TENM2: variants seen among roughly 807,000 people sequenced by gnomAD.
The protein encoded by TENM2 is teneurin transmembrane protein 2, also known as teneurin-2.
In TENM2, 52 loss-of-function variants were observed where a neutral mutation model predicts 245.2. That is an observed-to-expected ratio of 0.21 (90% CI 0.17 to 0.27). The LOEUF (loss-of-function observed/expected upper bound fraction) is 0.27. Among genes scored for constraint, TENM2 ranks in the 10% least tolerant of loss-of-function variants. The pLI is 1.00. For missense variants in TENM2, 3,046 were observed against 3,666.8 expected (o/e 0.83, Z 4.37); for synonymous variants, 1,363 against 1,438.9 (o/e 0.95, Z 1.19).
intron 3 of TENM2, among the ~76,000 whole-genome samples, chr5:167,914,580 A>G (rs1776784929): frequency 6.6e-6 from 1 of 151,114 alleles, no homozygotes; most frequent in Non-Finnish European, 1.5e-5. Flanking sequence ...GGCCATCTCT[A>G]TTCATTTCTC....
intron 1 of TENM2, among the ~76,000 whole-genome samples, chr5:167,290,659 C>G (rs1754580130): frequency 6.6e-6 from 1 of 151,946 alleles, no homozygotes; most frequent in Non-Finnish European, 1.5e-5. Context: ...ATGAACATAA[C>G]TCATACATTA....
At chr5:167,091,327 G>A in the TENM2 span, among the ~76,000 whole-genome samples, 5 of 152,058 alleles carry the variant, frequency 3.3e-5, no homozygotes, top group African/African-American at 1.2e-4. Flanking sequence ...AAAATACAAT[G>A]GATACTAAAG....
the TENM2 span, among the ~76,000 whole-genome samples, chr5:167,045,383 T>C: frequency 1.3e-5 from 2 of 152,184 alleles, no homozygotes; most frequent in East Asian, 1.9e-4. Context: ...TAGTACCTAG[T>C]ACATTCTAAG....
At chr5:167,593,168 G>A (rs368565530) in intron 2 of TENM2, among the ~76,000 whole-genome samples, 2 of 152,278 alleles carry the variant, frequency 1.3e-5, no homozygotes, top group African/African-American at 4.8e-5. Context: ...GATAGATACA[G>A]CTCACTTTCT....
intron 2 of TENM2, among the ~76,000 whole-genome samples, chr5:167,492,443 A>C (rs1768491531): frequency 6.6e-6 from 1 of 152,154 alleles, no homozygotes; most frequent in African/African-American, 2.4e-5. Flanking sequence ...GGCTGAGTAC[A>C]GACTTTCCAC....
At chr5:167,859,128 T>C (rs1212594594) in intron 2 of TENM2, among the ~76,000 whole-genome samples, 1 of 114,428 alleles carries the variant, frequency 8.7e-6, no homozygotes, top group African/African-American at 3.4e-5. Flanking sequence ...CGCCGCCCCA[T>C]CTGGGATGTG....
At chr5:167,233,449 A>G in the TENM2 span, among the ~76,000 whole-genome samples, 4 of 151,910 alleles carry the variant, frequency 2.6e-5, no homozygotes, top group Non-Finnish European at 5.9e-5. Flanking sequence ...AAGCTCCTAC[A>G]TATCTATAAA....
the TENM2 span, among the ~76,000 whole-genome samples, chr5:167,030,775 T>C: frequency 2.0e-5 from 3 of 152,154 alleles, no homozygotes; most frequent in Admixed American, 6.5e-5. Context: ...GGAGCTTCTT[T>C]GTAGGAAGAC....
intron 2 of TENM2, among the ~76,000 whole-genome samples, chr5:167,420,197 T>G (rs1581991347): frequency 6.6e-6 from 1 of 152,320 alleles, no homozygotes; most frequent in East Asian, 1.9e-4. Flanking sequence ...GAGCTTATTG[T>G]TACCCTGTGT....
chr5:168,086,674 T>C (rs1341848114), intron 7 of TENM2, among the ~76,000 whole-genome samples: 1 of 152,172 alleles, frequency 6.6e-6, no homozygotes, highest in East Asian at 1.9e-4. Flanking sequence ...GCAGACCTAA[T>C]GGGTAGGACC....
chr5:167,793,245 T>G (rs1765101413), intron 2 of TENM2, among the ~76,000 whole-genome samples: 1 of 152,178 alleles, frequency 6.6e-6, no homozygotes, highest in Admixed American at 6.5e-5. Flanking sequence ...CTGTATGATC[T>G]TGAGCAAATG....
the TENM2 span, among the ~76,000 whole-genome samples, chr5:167,184,029 G>T: frequency 1.3e-5 from 2 of 152,150 alleles, no homozygotes; most frequent in East Asian, 3.9e-4. Context: ...GAAAACATAC[G>T]TTATTTTTAG....
the TENM2 span, among the ~76,000 whole-genome samples, chr5:167,000,608 A>G: frequency 1.3e-5 from 2 of 152,184 alleles, no homozygotes; most frequent in Non-Finnish European, 2.9e-5. Context: ...AGTGTATCAT[A>G]TATTTATTCT....
intron 2 of TENM2, among the ~76,000 whole-genome samples, chr5:167,588,310 T>C (rs1056999879): frequency 6.6e-6 from 1 of 152,230 alleles, no homozygotes; most frequent in Non-Finnish European, 1.5e-5. Flanking sequence ...CTTAGGTCTA[T>C]ATATAATAGT....
chr5:168,224,096 C>T (rs1362759890), intron 23 of TENM2, among the ~76,000 whole-genome samples: 3 of 152,196 alleles, frequency 2.0e-5, no homozygotes, highest in Non-Finnish European at 4.4e-5. Flanking sequence ...CATCAAGGAA[C>T]ATCTAGGTTG....
In TENM2 at chr5:168,253,134, T is replaced by A. The variant is rs561788974; in HGVS notation, c.7432+4763T>A. Among the ~76,000 whole-genome samples, 23 of 151,690 alleles carry A rather than the reference T, an allele frequency of 1.5e-4. No individual in the cohort carries two copies. In the South Asian group the frequency reaches 3.8e-3, roughly 25 times the overall value. On this transcript the variant is annotated intron_variant, in intron 27 of 28. Coordinates refer to ENST00000518659, the Ensembl canonical transcript of TENM2. ...GGCATGTGCAACCACGCCCAGCTAA[T>A]TTTTTTGTATTTTTAGTAGAGATGG...
At chr5:167,032,720 C>A in the TENM2 span, among the ~76,000 whole-genome samples, 7 of 152,280 alleles carry the variant, frequency 4.6e-5, no homozygotes, top group Non-Finnish European at 8.8e-5. Flanking sequence ...CACCCCAAGG[C>A]AGCAAGTTCC....
At chr5:167,808,501 C>A (rs565537033) in intron 2 of TENM2, among the ~76,000 whole-genome samples, 1 of 152,132 alleles carries the variant, frequency 6.6e-6, no homozygotes, top group African/African-American at 2.4e-5. Flanking sequence ...CTCAGGTGAT[C>A]AGCCTACCTC....
chr5:167,972,969 C>T (rs550982574), intron 4 of TENM2, among the ~76,000 whole-genome samples: 2,219 of 152,216 alleles, frequency 0.015, 42 homozygotes, highest in African/African-American at 0.049. Flanking sequence ...TACAGCATGG[C>T]CTACGTGATT....
Sources: allele counts gnomAD v4.1 joint callset (sites outside exome capture counted in the v4.1 genomes callset), GRCh38; gene constraint gnomAD v4.1.1; transcripts MANE v1.5; gene names NCBI Gene and HGNC (gene_info 2026-07-23, HGNC 2026-07-21).